Variants in CSMD1 observed in about 807,000 individuals in gnomAD.
The protein encoded by CSMD1 is CUB and Sushi multiple domains 1.
Under a neutral mutation model 417.5 loss-of-function variants are expected in CSMD1, and 213 were observed. The ratio of observed to expected loss-of-function variants is 0.51; its 90% CI spans 0.46 to 0.57. The LOEUF (loss-of-function observed/expected upper bound fraction) is 0.57. Among genes scored for constraint, CSMD1 ranks in the 20% least tolerant of loss-of-function variants. The pLI is 0.00. For missense variants in CSMD1, 6,923 were observed against 4,529.7 expected (o/e 1.53, Z -15.17); for synonymous variants, 2,862 against 1,736.8 (o/e 1.65, Z -16.11).
In CSMD1 at chr8:3,003,690, G is replaced by A. The variant is rs1003023527; in HGVS notation, c.8030-3559C>T. Among the ~76,000 whole-genome samples, 7 of 152,274 alleles carry A rather than the reference G, an allele frequency of 4.6e-5. No homozygotes were observed. In the South Asian group the frequency reaches 1.2e-3, roughly 27 times the overall value. ...GTAAACGCAGAGGAGCAGCTGTCAC[G>A]TGCAGAGTCCTGAGGGTGTGCGGAC... On this transcript the variant is annotated intron_variant, in intron 52 of 69. Coordinates refer to ENST00000635120, the MANE Select transcript of CSMD1 (RefSeq NM_033225.6).
At chr8:3,762,531 C>T (rs1448016140) in intron 5 of CSMD1, among the ~76,000 whole-genome samples, 5 of 152,216 alleles carry the variant, frequency 3.3e-5, no homozygotes, top group Non-Finnish European at 5.9e-5. Context: ...CTCTGTGACT[C>T]AGCGAGTCTG....
At position 3,594,362 on chromosome 8, in the gene CSMD1, A is replaced by T. The variant is rs184732108; in HGVS notation, c.1098-8102T>A. Among the ~76,000 whole-genome samples, 172 of 152,352 alleles carry T rather than the reference A, an allele frequency of 1.1e-3. 1 individual carries two copies. Among genetic ancestry groups the T allele is most frequent in the Non-Finnish European group, 2.4e-4 (16 of 68,022 alleles). On this transcript the variant is annotated intron_variant, in intron 8 of 69. Coordinates refer to ENST00000635120, the MANE Select transcript of CSMD1 (RefSeq NM_033225.6). ...TTTAGTAAAAAGATAAGAAGAACTTATGCTGGAAACTGAAATTTGGGTTAC... is the reference window on the plus strand; with the variant it reads ...TTTAGTAAAAAGATAAGAAGAACTTTTGCTGGAAACTGAAATTTGGGTTAC...
intron 5 of CSMD1, among the ~76,000 whole-genome samples, chr8:3,965,089 C>A (rs1416473979): frequency 6.6e-6 from 1 of 152,172 alleles, no homozygotes; most frequent in Non-Finnish European, 1.5e-5. Flanking sequence ...CAGTAGCTGA[C>A]TTAGTAAATG....
At chr8:4,034,575 C>A (rs1797519196) in intron 3 of CSMD1, among the ~76,000 whole-genome samples, 1 of 152,146 alleles carries the variant, frequency 6.6e-6, no homozygotes, top group South Asian at 2.1e-4. Flanking sequence ...AGCCCTTCAA[C>A]TTTTGACTCA....
chr8:3,359,085 T>A lies in CSMD1; in HGVS notation c.3304+67A>T. 8 of 1,509,150 alleles carry A rather than the reference T, an allele frequency of 5.3e-6. No homozygotes were observed. In the Middle Eastern group the frequency reaches 5.7e-4, roughly 108 times the overall value. 93.5% of individuals were successfully genotyped at this position (1,509,150 alleles called of 1,614,324 possible). A position where few individuals can be genotyped will look rare whatever the true frequency, so the allele number is the denominator to read the frequency against. ...AACCCCCACCCGACCCCGACCACCC[T>A]AGGCTTCTTGCCTGGGCTAGACCCT... is the stretch of plus-strand genomic sequence containing the variant. On this transcript the variant is annotated intron_variant, in intron 21 of 69. Transcript: ENST00000635120.
chr8:3,069,199 G>C (rs1813158511), intron 49 of CSMD1, among the ~76,000 whole-genome samples: 1 of 152,102 alleles, frequency 6.6e-6, no homozygotes, highest in Non-Finnish European at 1.5e-5. Context: ...ACTTTGGTAG[G>C]CTGAGGCAGG....
intron 1 of CSMD1, among the ~76,000 whole-genome samples, chr8:4,678,124 G>C (rs1206270535): frequency 1.3e-5 from 2 of 151,860 alleles, no homozygotes; most frequent in African/African-American, 4.8e-5. Flanking sequence ...AGTCTAAAAA[G>C]AATTTTTCTT....
intron 68 of CSMD1, among the ~76,000 whole-genome samples, chr8:2,946,673 G>T (rs184422241): frequency 1.3e-5 from 2 of 152,238 alleles, no homozygotes; most frequent in Admixed American, 6.5e-5. Context: ...CTACATTTGG[G>T]TTATTATAAA....
At chr8:4,530,847 T>G (rs1274942855) in intron 2 of CSMD1, among the ~76,000 whole-genome samples, 2 of 151,990 alleles carry the variant, frequency 1.3e-5, no homozygotes, top group African/African-American at 2.4e-5. Context: ...TTTCTTTTCC[T>G]TATTTCCTTT....
At chr8:3,503,544 T>C (rs1292789702) in intron 10 of CSMD1, among the ~76,000 whole-genome samples, 1 of 152,236 alleles carries the variant, frequency 6.6e-6, no homozygotes, top group African/African-American at 2.4e-5. Flanking sequence ...GATGGTTCTC[T>C]GGACCTTTAA....
At chr8:3,742,241 C>T (rs1584932008) in intron 6 of CSMD1, among the ~76,000 whole-genome samples, 1 of 152,134 alleles carries the variant, frequency 6.6e-6, no homozygotes, top group Non-Finnish European at 1.5e-5. Context: ...ATTTAATTCT[C>T]ACCTAGACAT....
chr8:4,441,972 G>T (rs73660815), intron 2 of CSMD1, among the ~76,000 whole-genome samples: 8 of 152,166 alleles, frequency 5.3e-5, no homozygotes, highest in African/African-American at 1.7e-4. Flanking sequence ...CAAATGTTCC[G>T]AAAACCAAAT....
chr8:4,726,272 T>C (rs1316476179), intron 1 of CSMD1, among the ~76,000 whole-genome samples: 2 of 152,098 alleles, frequency 1.3e-5, no homozygotes, highest in Non-Finnish European at 2.9e-5. Flanking sequence ...CCCGCTTCTT[T>C]GATCCTTTGT....
At chr8:3,926,052 ATACACACACACACACACACACAAACAC>A (rs1809656513) in intron 5 of CSMD1, among the ~76,000 whole-genome samples, 1 of 32,414 alleles carries the variant, frequency 3.1e-5, no homozygotes, top group African/African-American at 2.6e-4. Context: ...CAAACACCAT[ATACACACACACACACACACACAAACAC>A]CATACACACA....
intron 26 of CSMD1, among the ~76,000 whole-genome samples, chr8:3,240,598 C>G (rs1322290923): frequency 6.6e-6 from 1 of 151,778 alleles, no homozygotes; most frequent in African/African-American, 2.4e-5. Context: ...CAGTACAGCC[C>G]GGGTAATCTG....
At chr8:4,609,474 A>G (rs1801054383) in intron 2 of CSMD1, among the ~76,000 whole-genome samples, 1 of 152,188 alleles carries the variant, frequency 6.6e-6, no homozygotes, top group Non-Finnish European at 1.5e-5. Flanking sequence ...ATGTTAATTA[A>G]TTGATTAATA....
chr8:4,455,838 A>G (rs1409589284), intron 2 of CSMD1, among the ~76,000 whole-genome samples: 7 of 147,360 alleles, frequency 4.8e-5, no homozygotes, highest in Non-Finnish European at 8.9e-5. Context: ...GGCTGAGGCA[A>G]GATAACTGCT....
intron 7 of CSMD1, among the ~76,000 whole-genome samples, chr8:3,662,224 C>T (rs534448095): frequency 3.9e-5 from 6 of 152,316 alleles, no homozygotes; most frequent in Admixed American, 2.0e-4. Context: ...TTTAGGAAAA[C>T]ACAGTATGTT....
chr8:3,020,620 C>A (rs1464610963), intron 51 of CSMD1, among the ~76,000 whole-genome samples: 7 of 152,140 alleles, frequency 4.6e-5, no homozygotes, highest in Non-Finnish European at 1.0e-4. Context: ...GCGAATCCTC[C>A]CATCTTGGCC....
Sources: gnomAD v4.1 joint callset for allele counts (sites outside exome capture counted in the v4.1 genomes callset) on GRCh38, gnomAD v4.1.1 for gene constraint, MANE v1.5 for transcripts, NCBI Gene and HGNC (gene_info 2026-07-23, HGNC 2026-07-21) for gene names.